KCNH8: variants seen among roughly 807,000 people sequenced by gnomAD.
KCNH8 encodes the protein potassium voltage-gated channel subfamily H member 8, also known as voltage-gated delayed rectifier potassium channel KCNH8.
Under a neutral mutation model 103.6 loss-of-function variants are expected in KCNH8, and 70 were observed. That is an observed-to-expected ratio of 0.68 (90% CI 0.56 to 0.82). KCNH8 has a LOEUF of 0.82. Among genes scored for constraint, KCNH8 ranks in the 40% least tolerant of loss-of-function variants. The pLI is 0.00. For synonymous variants in KCNH8, 498 were observed against 489.4 expected (o/e 1.02, Z -0.23); for missense variants, 1,217 against 1,329.9 (o/e 0.92, Z 1.32).
At chr3:19,255,479 T>C (rs2064335283) in intron 2 of KCNH8, among the ~76,000 whole-genome samples, 1 of 152,068 alleles carries the variant, frequency 6.6e-6, no homozygotes, top group Non-Finnish European at 1.5e-5. Context: ...CTGATTGCCC[T>C]GGCCAGAACT....
intron 11 of KCNH8, among the ~76,000 whole-genome samples, chr3:19,500,875 A>C (rs1402281115): frequency 6.6e-6 from 1 of 151,340 alleles, no homozygotes; most frequent in Non-Finnish European, 1.5e-5. Context: ...AAAGATCTAG[A>C]AAAGAGCAAA....
chr3:19,168,908 C>A (rs1164097717), intron 1 of KCNH8, among the ~76,000 whole-genome samples: 5 of 152,148 alleles, frequency 3.3e-5, no homozygotes, highest in African/African-American at 9.7e-5. Context: ...TTCAAACTAT[C>A]CTTCAGCACT....
chr3:19,306,538 C>T (rs2065132713), intron 3 of KCNH8, among the ~76,000 whole-genome samples: 1 of 152,034 alleles, frequency 6.6e-6, no homozygotes, highest in Non-Finnish European at 1.5e-5. Context: ...GTGATCTCTC[C>T]CTAAAGCCTG....
intron 2 of KCNH8, among the ~76,000 whole-genome samples, chr3:19,254,164 CTAT>C (rs1401496023): frequency 2.6e-5 from 4 of 151,860 alleles, no homozygotes; most frequent in Admixed American, 2.0e-4. Context: ...AAGTACGTTA[CTAT>C]TATATTTTGG....
chr3:19,188,075 T>A (rs1001922702), intron 1 of KCNH8, among the ~76,000 whole-genome samples: 1 of 152,102 alleles, frequency 6.6e-6, no homozygotes, highest in African/African-American at 2.4e-5. Flanking sequence ...CCACATGTTT[T>A]TTGTTAATAA....
intron 1 of KCNH8, among the ~76,000 whole-genome samples, chr3:19,153,604 T>TTTTTC (rs1174079244): frequency 1.8e-4 from 28 of 151,856 alleles, no homozygotes; most frequent in East Asian, 5.8e-4. Flanking sequence ...TTTCTTTTTC[T>TTTTTC]TTTTCTTTTC....
chr3:19,468,506 A>C (rs2067789370), intron 11 of KCNH8, among the ~76,000 whole-genome samples: 2 of 152,248 alleles, frequency 1.3e-5, no homozygotes, highest in African/African-American at 2.4e-5. Flanking sequence ...AAATTGAATA[A>C]CAACATTTTT....
intron 4 of KCNH8, among the ~76,000 whole-genome samples, chr3:19,347,098 C>T (rs1433171797): frequency 1.3e-5 from 2 of 152,020 alleles, no homozygotes; most frequent in Non-Finnish European, 2.9e-5. Flanking sequence ...TAATGTCTGG[C>T]CCATGTCAGA....
intron 7 of KCNH8, among the ~76,000 whole-genome samples, chr3:19,437,110 T>C (rs2067210722): frequency 6.6e-6 from 1 of 152,180 alleles, no homozygotes; most frequent in South Asian, 2.1e-4. Context: ...AAGAGTGTAA[T>C]GGTTTTTCAT....
rs575794998 is a variant in KCNH8 at position 19,277,424 on chromosome 3, C to T, written c.311-3774C>T. Among the ~76,000 whole-genome samples the T allele has an allele frequency of 5.5e-4, 84 of 152,004 alleles. 1 individual carries two copies. Among genetic ancestry groups the T allele is most frequent in the African/African-American group, 1.9e-3 (79 of 41,468 alleles). Reference sequence around the variant, plus strand: ...ACAGAAAAATTTAAAACTAGCCAGGCGTGGTGGTGCACGTCTGTAGTCCTA... The same window carrying T: ...ACAGAAAAATTTAAAACTAGCCAGGTGTGGTGGTGCACGTCTGTAGTCCTA... On this transcript the variant is annotated intron_variant, in intron 2 of 15. Coordinates refer to ENST00000328405, the MANE Select transcript of KCNH8 (RefSeq NM_144633.3).
At chr3:19,375,849 G>C (rs1164985604) in intron 5 of KCNH8, among the ~76,000 whole-genome samples, 1 of 152,156 alleles carries the variant, frequency 6.6e-6, no homozygotes, top group Non-Finnish European at 1.5e-5. Flanking sequence ...CTGCAGGTCT[G>C]TTGGAGTACC....
chr3:19,312,323 G>T lies in KCNH8; in HGVS notation c.443-30264G>T, dbSNP rs190859069. On this transcript the variant is annotated intron_variant, in intron 3 of 15. Transcript: ENST00000328405. The stretch of plus-strand genomic sequence containing the variant: ...CATTTCAGAACATGAGGAAAACAAG[G>T]TTATGTGATCAGTTTGCTATAAAAC... Among the ~76,000 whole-genome samples, 565 of 151,874 alleles carry T rather than the reference G, an allele frequency of 3.7e-3. 6 individuals are homozygous for T. The highest frequency in any genetic ancestry group is 0.017 in the South Asian group (84 of 4,818).
chr3:19,170,849 G>T (rs1392749629), intron 1 of KCNH8, among the ~76,000 whole-genome samples: 2 of 125,630 alleles, frequency 1.6e-5, no homozygotes, highest in Non-Finnish European at 1.6e-5. Flanking sequence ...TCGCGCTCTC[G>T]CCCAGGCTGG....
At chr3:19,299,445 C>T (rs1280705919) in intron 3 of KCNH8, among the ~76,000 whole-genome samples, 1 of 152,042 alleles carries the variant, frequency 6.6e-6, no homozygotes, top group African/African-American at 2.4e-5. Flanking sequence ...GATTGGGCAA[C>T]ATAGTGAGAC....
At chr3:19,486,463 C>T (rs1025722857) in intron 11 of KCNH8, among the ~76,000 whole-genome samples, 7 of 152,170 alleles carry the variant, frequency 4.6e-5, no homozygotes, top group Non-Finnish European at 8.8e-5. Context: ...CTAACAGGGC[C>T]GTTGCTGCCA....
chr3:19,335,677 G>A (rs955986520), intron 3 of KCNH8, among the ~76,000 whole-genome samples: 1 of 151,508 alleles, frequency 6.6e-6, no homozygotes, highest in Non-Finnish European at 1.5e-5. Flanking sequence ...GAGAGGGGTG[G>A]TAAGTGACAT....
At chr3:19,268,880 C>T (rs79275046) in intron 2 of KCNH8, among the ~76,000 whole-genome samples, 2,990 of 152,158 alleles carry the variant, frequency 0.02, 105 homozygotes, top group African/African-American at 0.067. Context: ...GATTTAAAAC[C>T]AATTTCAGAG....
intron 3 of KCNH8, among the ~76,000 whole-genome samples, chr3:19,337,424 C>G (rs149666319): frequency 1.3e-5 from 2 of 152,072 alleles, no homozygotes; most frequent in East Asian, 1.9e-4. Flanking sequence ...ATTTTCATCT[C>G]TCAGTGTTGC....
At chr3:19,183,694 T>A (rs1390534017) in intron 1 of KCNH8, among the ~76,000 whole-genome samples, 4 of 152,306 alleles carry the variant, frequency 2.6e-5, no homozygotes, top group African/African-American at 9.6e-5. Context: ...AGATACAGAC[T>A]GGAAGTAGGT....
Sources: gnomAD v4.1 joint callset for allele counts (sites outside exome capture counted in the v4.1 genomes callset) on GRCh38, gnomAD v4.1.1 for gene constraint, MANE v1.5 for transcripts, NCBI Gene and HGNC (gene_info 2026-07-23, HGNC 2026-07-21) for gene names.